The following GLIS3 variants were observed in gnomAD, a reference collection of about 807,000 sequenced individuals.
The protein encoded by GLIS3 is zinc finger protein GLIS3.
A neutral mutation model predicts 78.6 loss-of-function variants in GLIS3; 53 were observed. The observed-to-expected ratio is 0.67, with a 90% CI of 0.54 to 0.85. The LOEUF is 0.85. Among genes scored for constraint, GLIS3 ranks in the 40% least tolerant of loss-of-function variants. The pLI is 0.00. For synonymous variants in GLIS3, 684 were observed against 509.9 expected, an observed-to-expected ratio of 1.34 and a Z score of -4.60; for missense variants, 1,703 against 1,231.1, an observed-to-expected ratio of 1.38 and a Z score of -5.74.
intron 4 of GLIS3, among the ~76,000 whole-genome samples, chr9:3,970,446 A>T (rs1397322387): frequency 1.3e-5 from 2 of 152,242 alleles, no homozygotes; most frequent in Non-Finnish European, 2.9e-5. Context: ...CTGGGCAAAC[A>T]AATGCATTAT....
intron 1 of GLIS3, among the ~76,000 whole-genome samples, chr9:4,294,248 C>G (rs1455528906): frequency 6.6e-6 from 1 of 152,222 alleles, no homozygotes; most frequent in African/African-American, 2.4e-5. Context: ...GTGGCTCACG[C>G]CTGTAATCCC....
intron 2 of GLIS3, among the ~76,000 whole-genome samples, chr9:4,238,898 C>T (rs867479790): frequency 2.0e-4 from 30 of 152,190 alleles, no homozygotes; most frequent in Middle Eastern, 3.4e-3. Flanking sequence ...GCAGCTACTG[C>T]AGTGACTTTT....
chr9:4,428,855 C>T, the GLIS3 span, among the ~76,000 whole-genome samples: 10 of 152,190 alleles, frequency 6.6e-5, no homozygotes, highest in Non-Finnish European at 1.0e-4. Context: ...TCTGCCAATG[C>T]ACCCTACTCA....
intron 9 of GLIS3, among the ~76,000 whole-genome samples, chr9:3,848,277 G>C (rs1299449450): frequency 6.6e-6 from 1 of 152,148 alleles, no homozygotes; most frequent in Non-Finnish European, 1.5e-5. Flanking sequence ...AAGGCAAGTG[G>C]ATCACCTGGG....
At chr9:4,102,332 G>A (rs1002820459) in intron 4 of GLIS3, among the ~76,000 whole-genome samples, 16 of 152,180 alleles carry the variant, frequency 1.1e-4, no homozygotes, top group Non-Finnish European at 2.2e-4. Flanking sequence ...AAGCGGCTAA[G>A]CGAAGTGGTT....
intron 4 of GLIS3, chr9:4,081,100 T>G (rs1828522425): frequency 1.3e-5 from 2 of 152,218 alleles, no homozygotes. Context: ...TAGCTATTCC[T>G]AGGTTACACA....
At chr9:4,346,192 T>C (rs549581509) in intron 2 of GLIS3, among the ~76,000 whole-genome samples, 109 of 152,350 alleles carry the variant, frequency 7.2e-4, no homozygotes, top group Middle Eastern at 3.4e-3. Flanking sequence ...CTAGAGGTTT[T>C]ACAGACCTCA....
Position 3,965,188 on chromosome 9 carries a change from C to CTTTTTTTTTTTTTTT in GLIS3, c.1711-28000_1711-27999insAAAAAAAAAAAAAAA, listed in dbSNP as rs750454441. Reference sequence around the variant, plus strand: ...TACTTCTTTTCTATTTCTTTCTTTTCTTTTCTTTTTTTTTTTTTTTTTTTG... The same window carrying CTTTTTTTTTTTTTTT: ...TACTTCTTTTCTATTTCTTTCTTTTCTTTTTTTTTTTTTTTTTTTCTTTTTTTTTTTTTTTTTTTG... On this transcript the variant is annotated intron_variant, in intron 4 of 10. Transcript: ENST00000381971. Among the ~76,000 whole-genome samples, 48 of 98,984 alleles carry CTTTTTTTTTTTTTTT rather than the reference C, an allele frequency of 4.8e-4. 2 individuals carry two copies. The East Asian group carries it at 4.9e-3, about 10-fold the overall frequency. The allele number at this position is 98,984 out of a possible 152,430, so 64.9% of individuals were successfully genotyped here.
intron 4 of GLIS3, among the ~76,000 whole-genome samples, chr9:3,976,575 C>T (rs1818804871): frequency 6.6e-6 from 1 of 151,588 alleles, no homozygotes; most frequent in African/African-American, 2.4e-5. Context: ...CTCTGACACC[C>T]TCTGAAGAAA....
At chr9:4,351,829 G>T (rs187646737), upstream of GLIS3, among the ~76,000 whole-genome samples, 1 of 151,918 alleles carries the variant, frequency 6.6e-6, no homozygotes, top group East Asian at 1.9e-4. Flanking sequence ...GGAGCACAAA[G>T]AAGTCATTTT....
In GLIS3 at chr9:4,276,454, GAGGGGAGGGA is replaced by G. The variant is rs1249349884; in HGVS notation, c.388+9574_388+9583del. On this transcript the variant is annotated intron_variant, in intron 2 of 10. Transcript: ENST00000381971. ...AAGGGGACGGGAGGGGAGGGAAGGGGAGGGGAGGGAAGGGGACGGGAGGGGAGGGAAGGGG... is the reference window on the plus strand; with the variant it reads ...AAGGGGACGGGAGGGGAGGGAAGGGGAGGGGACGGGAGGGGAGGGAAGGGG... Among the ~76,000 whole-genome samples the G allele has an allele frequency of 6.6e-4, 9 of 13,668 alleles. 1 individual carries two copies. The highest frequency in any genetic ancestry group is 1.1e-3 in the Non-Finnish European group (8 of 7,002). 9.0% of individuals were successfully genotyped at this position (13,668 alleles called of 152,430 possible). A position where few individuals can be genotyped will look rare whatever the true frequency, so the allele number is the denominator to read the frequency against.
At chr9:4,178,389 G>A (rs768808509) in intron 2 of GLIS3, among the ~76,000 whole-genome samples, 6 of 152,274 alleles carry the variant, frequency 3.9e-5, no homozygotes, top group South Asian at 2.1e-4. Context: ...ACTTATGAAC[G>A]GCCTTTAGGT....
At position 3,833,910 on chromosome 9, in the gene GLIS3, T is replaced by TC. The variant is rs1157947882; in HGVS notation, c.2474-4419dup. Among the ~76,000 whole-genome samples, 3 of 152,122 alleles carry TC rather than the reference T, an allele frequency of 2.0e-5. No individual in the cohort carries two copies. The South Asian group carries it at 6.2e-4, about 32-fold the overall frequency. On this transcript the variant is annotated intron_variant, in intron 9 of 10. Transcript: ENST00000381971. ...TCTCTCAGTTTTGGGAAGTTTTTTT[T>TC]CCCCCTCCTAAAAACAAACTTGTTC...
chr9:4,461,527 C>T, the GLIS3 span, among the ~76,000 whole-genome samples: 7,490 of 152,156 alleles, frequency 0.049, 325 homozygotes, highest in African/African-American at 0.12. Context: ...ATTTTCAAAA[C>T]GATTACAACA....
intron 4 of GLIS3, among the ~76,000 whole-genome samples, chr9:4,002,988 C>T (rs1238548493): frequency 3.9e-5 from 6 of 152,152 alleles, no homozygotes; most frequent in Non-Finnish European, 5.9e-5. Flanking sequence ...TGGAAACATC[C>T]GGTTTTGTGA....
At chr9:4,212,360 G>A (rs1046081405) in intron 2 of GLIS3, among the ~76,000 whole-genome samples, 1 of 152,108 alleles carries the variant, frequency 6.6e-6, no homozygotes, top group African/African-American at 2.4e-5. Context: ...GATCAATCAC[G>A]AAACCCATTC....
chr9:4,406,679 T>G, the GLIS3 span, among the ~76,000 whole-genome samples: 1 of 151,958 alleles, frequency 6.6e-6, no homozygotes, highest in African/African-American at 2.4e-5. Flanking sequence ...AAAAGGAAAT[T>G]TAAAAAGCAA....
chr9:4,089,347 T>C (rs77146196), intron 4 of GLIS3, among the ~76,000 whole-genome samples: 1 of 146,678 alleles, frequency 6.8e-6, no homozygotes, highest in South Asian at 2.1e-4. Flanking sequence ...GTGGATAACA[T>C]TTTTTTTTCC....
At chr9:4,333,956 C>G (rs879123495) in intron 2 of GLIS3, among the ~76,000 whole-genome samples, 1 of 152,152 alleles carries the variant, frequency 6.6e-6, no homozygotes, top group South Asian at 2.1e-4. Context: ...ACCTTGTCTG[C>G]TCTGATGACC....
Sources: gnomAD v4.1 joint callset for allele counts (sites outside exome capture counted in the v4.1 genomes callset) on GRCh38, gnomAD v4.1.1 for gene constraint, MANE v1.5 for transcripts, NCBI Gene and HGNC (gene_info 2026-07-23, HGNC 2026-07-21) for gene names.